Variants in KIAA0825 observed in about 807,000 individuals in gnomAD.
KIAA0825 encodes the protein uncharacterized protein KIAA0825.
Under a neutral mutation model 147.6 loss-of-function variants are expected in KIAA0825, and 119 were observed. That is an observed-to-expected ratio of 0.81 (90% CI 0.69 to 0.94). The LOEUF (loss-of-function observed/expected upper bound fraction) is 0.94, where lower values mean the gene tolerates loss of function less well. Among genes scored for constraint, KIAA0825 ranks in the 40% least tolerant of loss-of-function variants. KIAA0825 has a pLI of 0.00. For synonymous variants in KIAA0825, 470 were observed against 518.1 expected, an observed-to-expected ratio of 0.91 and a Z score of 1.26; for missense variants, 1,381 against 1,472.7, an observed-to-expected ratio of 0.94 and a Z score of 1.02.
chr5:94,326,189 T>G (rs538508185), intron 20 of KIAA0825, among the ~76,000 whole-genome samples: 1 of 152,286 alleles, frequency 6.6e-6, no homozygotes, highest in African/African-American at 2.4e-5. Context: ...ATCATGCTTG[T>G]TCTGTCTCAA....
At chr5:94,232,881 A>T (rs970276031) in intron 20 of KIAA0825, among the ~76,000 whole-genome samples, 1 of 152,110 alleles carries the variant, frequency 6.6e-6, no homozygotes, top group Non-Finnish European at 1.5e-5. Flanking sequence ...AAAGTACAAG[A>T]TTTTTTCCCT....
chr5:94,260,069 T>C (rs1776422333), intron 20 of KIAA0825, among the ~76,000 whole-genome samples: 1 of 152,104 alleles, frequency 6.6e-6, no homozygotes, highest in African/African-American at 2.4e-5. Flanking sequence ...TACTATAATA[T>C]GGTTACAAGT....
At chr5:94,557,490 G>C (rs1776762844) in intron 2 of KIAA0825, among the ~76,000 whole-genome samples, 1 of 150,868 alleles carries the variant, frequency 6.6e-6, no homozygotes, top group Non-Finnish European at 1.5e-5. Context: ...TCTAACCCTA[G>C]TCATAATGGA....
At chr5:94,477,801 T>C (rs1348100883) in intron 6 of KIAA0825, among the ~76,000 whole-genome samples, 1 of 152,186 alleles carries the variant, frequency 6.6e-6, no homozygotes, top group Non-Finnish European at 1.5e-5. Flanking sequence ...TTTTGTTTTT[T>C]ACAATTAAGA....
intron 16 of KIAA0825, among the ~76,000 whole-genome samples, chr5:94,398,030 T>G (rs1750902618): frequency 6.8e-6 from 1 of 148,102 alleles, no homozygotes; most frequent in Admixed American, 6.7e-5. Context: ...CCTCCCGTTC[T>G]TCCTGTTAAA....
chr5:94,512,613 A>AG (rs1766656095), intron 5 of KIAA0825, among the ~76,000 whole-genome samples: 1 of 149,910 alleles, frequency 6.7e-6, no homozygotes, highest in Non-Finnish European at 1.5e-5. Flanking sequence ...AAAAAAAAAA[A>AG]GGCAGAGTGT....
chr5:94,521,969 T>G (rs1768297091), intron 4 of KIAA0825, among the ~76,000 whole-genome samples: 1 of 151,732 alleles, frequency 6.6e-6, no homozygotes, highest in Non-Finnish European at 1.5e-5. Flanking sequence ...TCCAGGAATT[T>G]TCTCTCATTC....
intron 2 of KIAA0825, among the ~76,000 whole-genome samples, chr5:94,567,246 CAATTCCTTAA>C (rs1432405462): frequency 6.6e-6 from 1 of 152,152 alleles, no homozygotes; most frequent in African/African-American, 2.4e-5. Flanking sequence ...TCAATAATTG[CAATTCCTTAA>C]AAGCTTAACA....
chr5:94,601,359 G>A (rs1382785530), intron 1 of KIAA0825, among the ~76,000 whole-genome samples: 2 of 151,980 alleles, frequency 1.3e-5, no homozygotes, highest in East Asian at 3.9e-4. Context: ...TCTTAAAAAA[G>A]AAAACAGCAA....
chr5:94,268,160 G>T (rs1373290086), intron 20 of KIAA0825, among the ~76,000 whole-genome samples: 1 of 152,038 alleles, frequency 6.6e-6, no homozygotes, highest in Non-Finnish European at 1.5e-5. Flanking sequence ...GCTTGCACTG[G>T]TTCTGAATAT....
intron 20 of KIAA0825, among the ~76,000 whole-genome samples, chr5:94,243,838 T>C (rs1775474327): frequency 6.6e-6 from 1 of 152,178 alleles, no homozygotes; most frequent in Non-Finnish European, 1.5e-5. Flanking sequence ...CCCTCAAAGA[T>C]TTATCATCTA....
At chr5:94,431,432 G>A (rs1188438418) in intron 14 of KIAA0825, among the ~76,000 whole-genome samples, 2 of 152,140 alleles carry the variant, frequency 1.3e-5, no homozygotes, top group Admixed American at 1.3e-4. Flanking sequence ...CCAGGCACTG[G>A]GGATAAAATG....
At chr5:94,348,853 G>C (rs756591732) in intron 20 of KIAA0825, among the ~76,000 whole-genome samples, 18 of 152,016 alleles carry the variant, frequency 1.2e-4, no homozygotes, top group Non-Finnish European at 1.2e-4. Context: ...AATCACACAG[G>C]ACCTATAAAA....
At chr5:94,231,633 G>T (rs982209127) in intron 20 of KIAA0825, among the ~76,000 whole-genome samples, 3 of 152,032 alleles carry the variant, frequency 2.0e-5, no homozygotes, top group Non-Finnish European at 4.4e-5. Context: ...AATTGTTGCT[G>T]ATCTTTGGTT....
chr5:94,459,333 C>T (rs1759525522), intron 12 of KIAA0825, among the ~76,000 whole-genome samples: 1 of 152,052 alleles, frequency 6.6e-6, no homozygotes, highest in South Asian at 2.1e-4. Flanking sequence ...TTTGTGTGGA[C>T]ATAGTATTTT....
At chr5:94,453,842 T>C (rs1199901776) in intron 12 of KIAA0825, among the ~76,000 whole-genome samples, 20 of 152,126 alleles carry the variant, frequency 1.3e-4, no homozygotes, top group Admixed American at 1.3e-3. Flanking sequence ...AATGCCAGTA[T>C]TTGCTTCATT....
At chr5:94,569,751 G>T in intron 2 of KIAA0825, 1 of 262,322 alleles carries the variant, frequency 3.8e-6, no homozygotes, top group South Asian at 1.6e-4. Flanking sequence ...CACATCACCT[G>T]AGACGTAAAC....
intron 1 of KIAA0825, among the ~76,000 whole-genome samples, chr5:94,611,483 C>T (rs748121017): frequency 8.6e-5 from 13 of 151,908 alleles, no homozygotes; most frequent in Admixed American, 3.3e-4. Flanking sequence ...ACTTATGGAT[C>T]TCTACGTTTA....
intron 5 of KIAA0825, among the ~76,000 whole-genome samples, chr5:94,513,976 CA>C: frequency 6.6e-6 from 1 of 152,068 alleles, no homozygotes. Flanking sequence ...ATTTGTTAAC[CA>C]GCCAAAATGC....
Sources: gnomAD v4.1 joint callset for allele counts (sites outside exome capture counted in the v4.1 genomes callset) on GRCh38, gnomAD v4.1.1 for gene constraint, MANE v1.5 for transcripts, NCBI Gene and HGNC (gene_info 2026-07-23, HGNC 2026-07-21) for gene names.